The following GNA12 variants were observed in gnomAD, a reference collection of about 807,000 sequenced individuals.
GNA12 encodes the protein guanine nucleotide-binding protein subunit alpha-12.
In GNA12, 9 loss-of-function variants were observed where a neutral mutation model predicts 26.0. The ratio of observed to expected loss-of-function variants is 0.35; its 90% CI spans 0.21 to 0.60. The LOEUF (loss-of-function observed/expected upper bound fraction) is 0.60, where lower values mean the gene tolerates loss of function less well. Among genes scored for constraint, GNA12 ranks in the 20% least tolerant of loss-of-function variants. The pLI, the probability that GNA12 is intolerant of heterozygous loss-of-function variation, is 0.78. For synonymous variants in GNA12, 264 were observed against 219.6 expected (o/e 1.20, Z -1.79); for missense variants, 405 against 525.8 (o/e 0.77, Z 2.25).
chr7:2,751,411 A>C (rs948084233), intron 2 of GNA12, among the ~76,000 whole-genome samples: 6 of 151,802 alleles, frequency 4.0e-5, no homozygotes, highest in Admixed American at 2.6e-4. Context: ...AAAAAAAAAA[A>C]AACAGCTTAT....
At chr7:2,806,484 A>G (rs1792952984) in intron 1 of GNA12, among the ~76,000 whole-genome samples, 1 of 151,390 alleles carries the variant, frequency 6.6e-6, no homozygotes, top group Non-Finnish European at 1.5e-5. Context: ...AAAAAGAAAA[A>G]GAAAAAAGAA....
intron 1 of GNA12, 77 bp downstream of exon 1, chr7:2,843,776 A>G: frequency 1.4e-6 from 1 of 715,738 alleles, no homozygotes; most frequent in Non-Finnish European, 2.0e-6. Context: ...GCGGCGGCGG[A>G]CCACGGAGGG....
chr7:2,828,732 A>T (rs1793537689), intron 1 of GNA12, among the ~76,000 whole-genome samples: 1 of 152,088 alleles, frequency 6.6e-6, no homozygotes, highest in Non-Finnish European at 1.5e-5. Context: ...ACTCCAATGG[A>T]GTCTTCTTTA....
At chr7:2,774,585 G>A (rs1050707696) in intron 2 of GNA12, among the ~76,000 whole-genome samples, 11 of 152,194 alleles carry the variant, frequency 7.2e-5, no homozygotes, top group African/African-American at 2.4e-4. Flanking sequence ...GAGGCAAAGG[G>A]GGGGTCCAGG....
chr7:2,820,944 T>G (rs1793335245), intron 1 of GNA12, among the ~76,000 whole-genome samples: 1 of 152,246 alleles, frequency 6.6e-6, no homozygotes, highest in Admixed American at 6.5e-5. Flanking sequence ...TCTCACTATG[T>G]TGCTCAGGCT....
intron 1 of GNA12, among the ~76,000 whole-genome samples, chr7:2,811,226 G>A (rs1203587520): frequency 6.6e-6 from 1 of 151,408 alleles, no homozygotes; most frequent in African/African-American, 2.4e-5. Flanking sequence ...AACCTGGGTG[G>A]GGCTGACTTC....
chr7:2,744,887 G>A (rs965462853), intron 2 of GNA12, among the ~76,000 whole-genome samples: 8 of 152,208 alleles, frequency 5.3e-5, no homozygotes, highest in Non-Finnish European at 7.3e-5. Flanking sequence ...AGCCTCAGGA[G>A]CCGATGCGAT....
chr7:2,843,895 C>G lies in GNA12; in HGVS notation c.267G>C (p.Ala89=), dbSNP rs1196221691. 2.0e-5 allele frequency: 32 copies of G among 1,571,928 alleles called. No individual in the cohort carries two copies. The highest frequency in any genetic ancestry group is 2.2e-4 in the Middle Eastern group (1 of 4,582). Residue 89 remains alanine, a synonymous_variant, in exon 1 of 4, where the codon GCG becomes GCC. Coordinates refer to ENST00000275364, the MANE Select transcript of GNA12 (RefSeq NM_007353.3). Reference sequence around the variant, plus strand: ...AGATGGTGTCGCGGAACTCCAGCAGCGCCTTCTGGTCGAACTCGCGGCCGT... The same window carrying G: ...AGATGGTGTCGCGGAACTCCAGCAGGGCCTTCTGGTCGAACTCGCGGCCGT... ...IIHGREFDQK[A]LLEFRDTIFD...
chr7:2,742,265 C>T (rs1790545037), intron 2 of GNA12, among the ~76,000 whole-genome samples: 1 of 152,162 alleles, frequency 6.6e-6, no homozygotes, highest in African/African-American at 2.4e-5. Flanking sequence ...ATCTGCCCGC[C>T]TCAGCCTCCC....
At chr7:2,837,609 C>T (rs767164189) in intron 1 of GNA12, among the ~76,000 whole-genome samples, 6 of 152,142 alleles carry the variant, frequency 3.9e-5, no homozygotes, top group Non-Finnish European at 5.9e-5. Flanking sequence ...TGCATGAACT[C>T]GGAGAGGAGA....
intron 1 of GNA12, among the ~76,000 whole-genome samples, chr7:2,837,658 G>A (rs1389950742): frequency 6.6e-6 from 1 of 152,196 alleles, no homozygotes; most frequent in East Asian, 1.9e-4. Context: ...CTGAAACAAT[G>A]TGAAGGTATC....
At chr7:2,823,130 G>A (rs899270224) in intron 1 of GNA12, among the ~76,000 whole-genome samples, 2 of 152,172 alleles carry the variant, frequency 1.3e-5, no homozygotes, top group Admixed American at 6.5e-5. Flanking sequence ...GGGGTCCGAG[G>A]CATCATCTAT....
intron 1 of GNA12, among the ~76,000 whole-genome samples, chr7:2,841,544 G>T (rs144927872): frequency 6.6e-6 from 1 of 152,304 alleles, no homozygotes; most frequent in East Asian, 1.9e-4. Flanking sequence ...CAAAGTTCAC[G>T]AAGTATCTGA....
In GNA12 at chr7:2,844,094, C is replaced by T. The variant is rs1779094535; in HGVS notation, c.68G>A (p.Arg23His). ...GTCGCGCGCGCCGCTGCCCGCCCTGCGCTCGCGGGCCCCGCCGGCCTCGGC... is the reference window on the plus strand; with the variant it reads ...GTCGCGCGCGCCGCTGCCCGCCCTGTGCTCGCGGGCCCCGCCGGCCTCGGC... Reference protein sequence around the residue: ...LPAEAGGARERRAGSGARDAE... With the variant: ...LPAEAGGAREHRAGSGARDAE... Residue 23 changes from arginine (R) to histidine (H), a missense_variant, in exon 1 of 4, where the codon CGC becomes CAC. By Grantham distance (29) the Arg-to-His change is conservative. Coordinates refer to ENST00000275364, the MANE Select transcript of GNA12 (RefSeq NM_007353.3). 9.9e-7 allele frequency: 1 copy of T among 1,009,158 alleles called. No homozygotes were observed. The highest frequency in any genetic ancestry group is 1.2e-6 in the Non-Finnish European group (1 of 847,798). The allele number at this position is 1,009,158 out of a possible 1,614,324, so 62.5% of individuals were successfully genotyped here.
chr7:2,814,831 C>T (rs750165752), intron 1 of GNA12: 10 of 1,574,348 alleles, frequency 6.4e-6, no homozygotes, highest in South Asian at 1.2e-5. Context: ...CCTGTGCTCC[C>T]GACAGCACCG....
intron 1 of GNA12, among the ~76,000 whole-genome samples, chr7:2,808,898 G>C (rs1296213498): frequency 6.6e-6 from 1 of 152,184 alleles, no homozygotes; most frequent in African/African-American, 2.4e-5. Context: ...CCTCAAAGAG[G>C]CACATCCTCA....
At chr7:2,804,908 A>T (rs539513417) in intron 1 of GNA12, among the ~76,000 whole-genome samples, 1 of 149,756 alleles carries the variant, frequency 6.7e-6, no homozygotes. Flanking sequence ...AAATAAATTA[A>T]AAAAAAAAAG....
intron 1 of GNA12, among the ~76,000 whole-genome samples, chr7:2,842,965 C>G (rs927596440): frequency 1.3e-5 from 2 of 152,194 alleles, no homozygotes; most frequent in African/African-American, 4.8e-5. Flanking sequence ...TACAGTCAAT[C>G]TACTATTTTC....
intron 1 of GNA12, among the ~76,000 whole-genome samples, 191 bp downstream of exon 1, chr7:2,843,662 G>A (rs1203198080): frequency 6.6e-6 from 1 of 151,556 alleles, no homozygotes; most frequent in Non-Finnish European, 1.5e-5. Context: ...GGGCGAGACG[G>A]GGTGGGGCAG....
Sources: gnomAD v4.1 joint callset for allele counts (sites outside exome capture counted in the v4.1 genomes callset) on GRCh38, gnomAD v4.1.1 for gene constraint, MANE v1.5 for transcripts, NCBI Gene and HGNC (gene_info 2026-07-23, HGNC 2026-07-21) for gene names.